Variants in DAB1 observed in about 807,000 individuals in gnomAD.
DAB1 encodes disabled homolog 1.
In DAB1, 15 loss-of-function variants were observed where a neutral mutation model predicts 64.6. The observed-to-expected ratio is 0.23, with a 90% confidence interval of 0.16 to 0.36. The LOEUF is 0.36. DAB1 is among the 10% of genes least tolerant of loss of function. The pLI is 1.00. For missense variants in DAB1, 596 were observed against 706.7 expected, an observed-to-expected ratio of 0.84 and a Z score of 1.78; for synonymous variants, 235 against 251.9, an observed-to-expected ratio of 0.93 and a Z score of 0.64.
At chr1:57,877,315 G>A (rs2101965217) in intron 1 of DAB1, among the ~76,000 whole-genome samples, 1 of 152,152 alleles carries the variant, frequency 6.6e-6, no homozygotes, top group African/African-American at 2.4e-5. Flanking sequence ...CCCAGCTAAG[G>A]AAATTGTTGT....
At chr1:57,267,366 T>A (rs1189072691) in intron 2 of DAB1, among the ~76,000 whole-genome samples, 1 of 152,210 alleles carries the variant, frequency 6.6e-6, no homozygotes, top group African/African-American at 2.4e-5. Flanking sequence ...CAGTTTGTGA[T>A]AATGTGTTAC....
intron 4 of DAB1, among the ~76,000 whole-genome samples, chr1:58,154,652 G>A (rs1364065654): frequency 6.6e-6 from 1 of 152,134 alleles, no homozygotes; most frequent in African/African-American, 2.4e-5. Context: ...GCTCTGCCTA[G>A]TAGAGTCCAG....
chr1:57,860,717 C>T lies in DAB1; in HGVS notation n.87+23282G>A, dbSNP rs571970776. 1.5e-3 allele frequency: 223 copies of T among 152,274 alleles called. 1 individual carries two copies. Among genetic ancestry groups the T allele is most frequent in the African/African-American group, 5.1e-3 (212 of 41,562 alleles). The allele number at this position is 152,274 out of a possible 1,614,324, so 9.4% of individuals were successfully genotyped here. On this transcript the variant is annotated intron_variant and non_coding_transcript_variant, in intron 1 of 1. Coordinates refer to the DAB1 transcript ENST00000477280. ...GGGGCCAACAGCTTTGCAATAACAG[C>T]ATAAATATTGTGGGCTGGATGGACA...
rs61528761 is a variant in DAB1, at chr1:57,585,248, G to GAAAA, written n.625+64340_625+64343dup. ...TGGGCGACAGGATGAGACTCTTTCT[G>GAAAA]AAAAAAAAAAAAAAAAAAAAAAAAA... On this transcript the variant is annotated intron_variant and non_coding_transcript_variant, in intron 7 of 20. Coordinates refer to the DAB1 transcript ENST00000485760. 1.6e-3 allele frequency among the ~76,000 whole-genome samples: 71 copies of GAAAA among 44,286 alleles called. 5 individuals are homozygous for GAAAA. Among genetic ancestry groups the GAAAA allele is most frequent in the African/African-American group, 6.3e-3 (66 of 10,496 alleles). The allele number at this position is 44,286 out of a possible 152,430, so 29.1% of individuals were successfully genotyped here.
At chr1:57,022,803 C>G (rs111284687) in intron 11 of DAB1, among the ~76,000 whole-genome samples, 30 of 152,342 alleles carry the variant, frequency 2.0e-4, no homozygotes, top group African/African-American at 6.7e-4. Context: ...CCATGTATGT[C>G]AAAAACAGAA....
chr1:57,899,071 A>G (rs1245948733), intron 5 of DAB1, among the ~76,000 whole-genome samples: 1 of 151,878 alleles, frequency 6.6e-6, no homozygotes, highest in Non-Finnish European at 1.5e-5. Flanking sequence ...GTTCATCTGT[A>G]TCATCGATAA....
At chr1:57,063,440 T>C (rs980884247) in intron 8 of DAB1, among the ~76,000 whole-genome samples, 2 of 152,090 alleles carry the variant, frequency 1.3e-5, no homozygotes, top group African/African-American at 2.4e-5. Context: ...TACAAGCCAT[T>C]TGATAATTAT....
chr1:58,426,061 T>G (rs1272983512), intron 3 of DAB1, among the ~76,000 whole-genome samples: 2 of 152,228 alleles, frequency 1.3e-5, no homozygotes, highest in African/African-American at 2.4e-5. Context: ...ACTTAAAGTT[T>G]GCAAGGCACT....
chr1:57,850,902 A>T (rs1653491932), intron 1 of DAB1, among the ~76,000 whole-genome samples: 1 of 152,046 alleles, frequency 6.6e-6, no homozygotes, highest in Admixed American at 6.5e-5. Flanking sequence ...CTCCTCGCCC[A>T]TTCCTTTTCA....
At chr1:58,209,900 G>A (rs919665556) in intron 4 of DAB1, among the ~76,000 whole-genome samples, 1 of 152,126 alleles carries the variant, frequency 6.6e-6, no homozygotes, top group Non-Finnish European at 1.5e-5. Flanking sequence ...GCAGGTGAAT[G>A]TAAGGTGTGC....
intron 1 of DAB1, among the ~76,000 whole-genome samples, chr1:57,401,386 A>G (rs574705505): frequency 1.3e-4 from 20 of 152,334 alleles, no homozygotes; most frequent in African/African-American, 4.3e-4. Flanking sequence ...ACTTTCATAA[A>G]TGAAAAAACA....
intron 4 of DAB1, among the ~76,000 whole-genome samples, chr1:58,177,552 G>A (rs1030253678): frequency 6.6e-6 from 1 of 152,098 alleles, no homozygotes; most frequent in Non-Finnish European, 1.5e-5. Flanking sequence ...TTGCTGTTAG[G>A]AGAGAGTTGA....
At chr1:57,440,990 A>C (rs138156285) in intron 7 of DAB1, among the ~76,000 whole-genome samples, 322 of 152,254 alleles carry the variant, frequency 2.1e-3, no homozygotes, top group South Asian at 6.4e-3. Context: ...CATAGGACCC[A>C]ATAAGTGGCT....
At chr1:57,642,642 G>T (rs1646144070) in intron 7 of DAB1, among the ~76,000 whole-genome samples, 1 of 152,152 alleles carries the variant, frequency 6.6e-6, no homozygotes, top group Admixed American at 6.5e-5. Flanking sequence ...TCCATCCGTT[G>T]CCTGGAGATA....
intron 4 of DAB1, among the ~76,000 whole-genome samples, chr1:58,232,829 C>A (rs780255397): frequency 1.3e-5 from 2 of 152,204 alleles, no homozygotes; most frequent in Non-Finnish European, 2.9e-5. Flanking sequence ...CTTCTCGGAG[C>A]AACCATCCCT....
chr1:57,001,881 GA>G (rs1312135520), intron 14 of DAB1, among the ~76,000 whole-genome samples: 1 of 152,190 alleles, frequency 6.6e-6, no homozygotes, highest in East Asian at 1.9e-4. Flanking sequence ...GGATGCTTCA[GA>G]ACCTGTGCAG....
intron 7 of DAB1, among the ~76,000 whole-genome samples, chr1:57,467,195 T>A (rs1019897837): frequency 3.3e-5 from 5 of 152,098 alleles, no homozygotes; most frequent in African/African-American, 9.7e-5. Flanking sequence ...ATCTCTAGAG[T>A]GGGTCCTAAG....
intron 2 of DAB1, among the ~76,000 whole-genome samples, chr1:57,256,248 C>G (rs998595217): frequency 6.6e-6 from 1 of 152,098 alleles, no homozygotes; most frequent in East Asian, 1.9e-4. Flanking sequence ...CTCAAAAACT[C>G]GAAGTGTAAT....
Position 57,337,873 on chromosome 1 carries a change from CTCCCCTCCCTTCCCTTCCCT to C in DAB1, c.-136-46727_-136-46708del, listed in dbSNP as rs1331381772. Among the ~76,000 whole-genome samples, 4 of 148,094 alleles carry C rather than the reference CTCCCCTCCCTTCCCTTCCCT, an allele frequency of 2.7e-5. No homozygotes were observed. The South Asian group carries it at 6.5e-4, about 24-fold the overall frequency. ...TCCCTTTCCCTTTCCCTTCCCTCCC[CTCCCCTCCCTTCCCTTCCCT>C]TCCCTTCCCTTCCCTCCTTCCTTGC... is the stretch of plus-strand genomic sequence containing the variant. On this transcript the variant is annotated intron_variant, in intron 1 of 14. Transcript: ENST00000371236.
Sources: allele counts gnomAD v4.1 joint callset (sites outside exome capture counted in the v4.1 genomes callset), GRCh38; gene constraint gnomAD v4.1.1; transcripts MANE v1.5; gene names NCBI Gene and HGNC (gene_info 2026-07-23, HGNC 2026-07-21).